Variants in CEP295 observed in about 807,000 individuals in gnomAD.
The protein encoded by CEP295 is centrosomal protein 295.
In CEP295, 190 loss-of-function variants were observed where a neutral mutation model predicts 291.6. The ratio of observed to expected loss-of-function variants is 0.65; its 90% CI spans 0.58 to 0.73. The LOEUF (loss-of-function observed/expected upper bound fraction) is 0.73. Ranked by LOEUF, CEP295 falls within the 30% of genes least tolerant of loss-of-function variation. The pLI is 0.00. For synonymous variants in CEP295, 993 were observed against 1,038.8 expected (o/e 0.96, Z 0.85); for missense variants, 2,863 against 2,949.4 (o/e 0.97, Z 0.68).
intron 18 of CEP295, among the ~76,000 whole-genome samples, chr11:93,709,415 T>A (rs915819219): frequency 6.6e-6 from 1 of 152,208 alleles, no homozygotes; most frequent in Non-Finnish European, 1.5e-5. Context: ...TATTCCCCCA[T>A]GTACGTTCTT....
chr11:93,670,428 A>T (rs1441844029), intron 5 of CEP295, among the ~76,000 whole-genome samples: 1 of 152,226 alleles, frequency 6.6e-6, no homozygotes, highest in African/African-American at 2.4e-5. Flanking sequence ...GAAATTTTTT[A>T]AAATACTTGT....
intron 5 of CEP295, among the ~76,000 whole-genome samples, chr11:93,670,915 C>T (rs922910632): frequency 6.6e-6 from 1 of 152,132 alleles, no homozygotes; most frequent in Non-Finnish European, 1.5e-5. Context: ...CAGAGTCTTG[C>T]TCTGTCACCC....
intron 18 of CEP295, among the ~76,000 whole-genome samples, chr11:93,713,503 TA>T (rs1001378452): frequency 6.6e-6 from 1 of 152,230 alleles, no homozygotes; most frequent in African/African-American, 2.4e-5. Flanking sequence ...TCCTGGCCTG[TA>T]AGGTTTCCTG....
chr11:93,692,624 AT>A (rs528268306), intron 12 of CEP295, among the ~76,000 whole-genome samples: 95 of 147,268 alleles, frequency 6.5e-4, no homozygotes, highest in African/African-American at 1.1e-3. Context: ...TGCCCAGCTA[AT>A]TTTTTTTTTT....
chr11:93,693,591 A>G (rs1951699953), intron 12 of CEP295, among the ~76,000 whole-genome samples: 2 of 152,116 alleles, frequency 1.3e-5, no homozygotes, highest in Admixed American at 1.3e-4. Flanking sequence ...TCCCATCTCT[A>G]CTAAAAATAC....
At chr11:93,696,469 G>T (rs938907401) in intron 14 of CEP295, 52 bp downstream of exon 14, 4 of 1,233,800 alleles carry the variant, frequency 3.2e-6, no homozygotes, top group African/African-American at 3.0e-5. Context: ...ACATTTTTAG[G>T]ATTTATTGTT....
At chr11:93,717,885 T>C (rs1457171021) in intron 18 of CEP295, among the ~76,000 whole-genome samples, 1 of 152,108 alleles carries the variant, frequency 6.6e-6, no homozygotes, top group East Asian at 1.9e-4. Context: ...TTTCTCAGAA[T>C]CATTCCCAGA....
intron 18 of CEP295, among the ~76,000 whole-genome samples, chr11:93,715,628 C>T (rs879435146): frequency 6.6e-6 from 1 of 152,030 alleles, no homozygotes; most frequent in African/African-American, 2.4e-5. Flanking sequence ...CTCAGAGTCT[C>T]ACCTAAGGCC....
chr11:93,714,719 T>TTGC (rs1953121771), intron 18 of CEP295, among the ~76,000 whole-genome samples: 1 of 152,240 alleles, frequency 6.6e-6, no homozygotes, highest in African/African-American at 2.4e-5. Flanking sequence ...ACTGTAGTTC[T>TTGC]TGCAGACTCA....
In CEP295 at chr11:93,680,018, T is replaced by C. The variant is rs971086268; in HGVS notation, c.765+466T>C. Among the ~76,000 whole-genome samples the C allele has an allele frequency of 2.0e-5, 3 of 152,222 alleles. No homozygotes were observed. The East Asian group carries it at 5.8e-4, about 29-fold the overall frequency. On this transcript the variant is annotated intron_variant, in intron 7 of 29. Transcript: ENST00000325212. ...TAGGCCAGGCATGGTGGCTCATGCC[T>C]GTAATCCCAGCACTCTGGGAGGCCA...
chr11:93,697,962 T>A lies in CEP295; in HGVS notation c.3050T>A (p.Ile1017Lys). 1 of 1,551,630 alleles carries A rather than the reference T, an allele frequency of 6.4e-7. No individual in the cohort carries two copies. Among genetic ancestry groups the A allele is most frequent in the Non-Finnish European group, 8.7e-7 (1 of 1,146,954 alleles). Residue 1017 changes from isoleucine to lysine, a missense_variant, in exon 15 of 30, where the codon ATA becomes AAA. Around this residue, in one of 3 missense-constraint regions of CEP295, gnomAD observed 2,295 missense variants for 2,335.7 expected, o/e 0.98. Coordinates refer to ENST00000325212, the MANE Select transcript of CEP295 (RefSeq NM_033395.2). ...LPSADTKSGK[I>K]QEQHSSKSEK... ...TCTGCTGATACAAAATCTGGAAAAA[T>A]ACAGGAGCAACATTCATCTAAGAGC...
chr11:93,679,515 G>A lies in CEP295; in HGVS notation c.728G>A (p.Arg243Gln). ...GAACGGTTTGAAAAGGCACATGTACGGGGATTCCAAGCAATGAAGAAGATC... is the reference window on the plus strand; with the variant it reads ...GAACGGTTTGAAAAGGCACATGTACAGGGATTCCAAGCAATGAAGAAGATC... The part of the protein sequence containing the change: ...RMERFEKAHV[R>Q]GFQAMKKIHL... Residue 243 changes from arginine to glutamine, a missense_variant, in exon 7 of 30, where the codon CGG becomes CAG. Around this residue, in one of 3 missense-constraint regions of CEP295, gnomAD observed 554 missense variants for 576.0 expected, o/e 0.96. Transcript: ENST00000325212. The A allele has an allele frequency of 5.8e-6, 9 of 1,551,316 alleles. No homozygotes were observed. The highest frequency in any genetic ancestry group is 2.4e-5 in the East Asian group (1 of 40,888).
Position 93,691,913 on chromosome 11 carries a change from G to T in CEP295, c.1430-14G>T. On this transcript the variant is annotated splice_polypyrimidine_tract_variant and intron_variant, in intron 11 of 29. Coordinates refer to ENST00000325212, the MANE Select transcript of CEP295 (RefSeq NM_033395.2). Reference sequence around the variant, plus strand: ...AATTATTGAAACTAATTTTTGTTTGGGGCATTCCCCTAGAAATAAATGAGA... The same window carrying T: ...AATTATTGAAACTAATTTTTGTTTGTGGCATTCCCCTAGAAATAAATGAGA... 6.7e-7 allele frequency: 1 copy of T among 1,491,682 alleles called. No homozygotes were observed. The highest frequency in any genetic ancestry group is 9.1e-7 in the Non-Finnish European group (1 of 1,098,840). 92.4% of individuals were successfully genotyped at this position (1,491,682 alleles called of 1,614,324 possible).
intron 3 of CEP295, among the ~76,000 whole-genome samples, chr11:93,668,370 G>A (rs1950283633): frequency 6.6e-6 from 1 of 152,126 alleles, no homozygotes; most frequent in South Asian, 2.1e-4. Flanking sequence ...CTTGGTTTTA[G>A]TCTGTGTTTT....
chr11:93,662,476 A>G (rs780616907), intron 1 of CEP295, among the ~76,000 whole-genome samples: 4 of 152,200 alleles, frequency 2.6e-5, no homozygotes, highest in South Asian at 2.1e-4. Context: ...TGTGATTACT[A>G]TGTACCAGGA....
intron 10 of CEP295, among the ~76,000 whole-genome samples, chr11:93,690,489 G>C (rs1233273385): frequency 6.6e-6 from 1 of 150,868 alleles, no homozygotes; most frequent in Non-Finnish European, 1.5e-5. Context: ...AACCTGGGAG[G>C]TGGAGCTTGC....
chr11:93,674,695 G>T (rs996517855), intron 5 of CEP295, among the ~76,000 whole-genome samples: 11 of 152,152 alleles, frequency 7.2e-5, no homozygotes, highest in Admixed American at 7.2e-4. Context: ...TTCACTACTG[G>T]GATATAATAC....
intron 22 of CEP295, among the ~76,000 whole-genome samples, chr11:93,724,906 T>C (rs1224615543): frequency 6.6e-6 from 1 of 152,206 alleles, no homozygotes; most frequent in Non-Finnish European, 1.5e-5. Flanking sequence ...GTACTAATTA[T>C]TATTATTATT....
chr11:93,729,010 T>A, intron 25 of CEP295, 189 bp downstream of exon 25: 2 of 548,236 alleles, frequency 3.6e-6, no homozygotes, highest in Non-Finnish European at 6.3e-6. Context: ...TTTCTTTTAA[T>A]CCCCACTCCA....
Sources: gnomAD v4.1 joint callset for allele counts (sites outside exome capture counted in the v4.1 genomes callset) on GRCh38, gnomAD v4.1.1 for gene constraint, gnomAD v4.1.1 regional missense constraint, MANE v1.5 for transcripts, NCBI Gene and HGNC (gene_info 2026-07-23, HGNC 2026-07-21) for gene names.